The following PLCG2 variants were observed in gnomAD, a reference collection of about 807,000 sequenced individuals.
PLCG2 encodes 1-phosphatidylinositol 4,5-bisphosphate phosphodiesterase gamma-2.
A neutral mutation model predicts 175.6 loss-of-function variants in PLCG2; 69 were observed. That is an observed-to-expected ratio of 0.39 (90% confidence interval 0.32 to 0.48). The LOEUF is 0.48. Ranked by LOEUF, PLCG2 falls within the 20% of genes least tolerant of loss-of-function variation. The pLI, the probability that PLCG2 is intolerant of heterozygous loss-of-function variation, is 0.91. For synonymous variants in PLCG2, 827 were observed against 624.0 expected (o/e 1.33, Z -4.85); for missense variants, 1,798 against 1,650.9 (o/e 1.09, Z -1.54).
intron 19 of PLCG2, among the ~76,000 whole-genome samples, chr16:81,917,163 G>C (rs1274381380): frequency 6.6e-6 from 1 of 151,006 alleles, no homozygotes; most frequent in Non-Finnish European, 1.5e-5. Context: ...TTCTGTGCCT[G>C]GTTTATTTCA....
At chr16:81,862,218 AG>A (rs1907018190) in intron 5 of PLCG2, among the ~76,000 whole-genome samples, 1 of 152,216 alleles carries the variant, frequency 6.6e-6, no homozygotes, top group Non-Finnish European at 1.5e-5. Context: ...TGAAGGCGAG[AG>A]GGGGCAGGCT....
At chr16:81,795,999 A>G (rs1911453636) in intron 2 of PLCG2, among the ~76,000 whole-genome samples, 1 of 152,134 alleles carries the variant, frequency 6.6e-6, no homozygotes, top group Non-Finnish European at 1.5e-5. Context: ...TGTAACCCCT[A>G]ATTTTGGAGG....
chr16:81,894,970 C>T (rs890977684), intron 12 of PLCG2, among the ~76,000 whole-genome samples: 4 of 152,184 alleles, frequency 2.6e-5, no homozygotes, highest in Non-Finnish European at 5.9e-5. Flanking sequence ...ATGGAAGCAA[C>T]GTTTTGTAGC....
At chr16:81,834,780 T>C (rs1028707171) in intron 2 of PLCG2, among the ~76,000 whole-genome samples, 12 of 152,210 alleles carry the variant, frequency 7.9e-5, no homozygotes, top group Non-Finnish European at 1.8e-4. Context: ...CAATCTCCTT[T>C]AACAAAACCT....
chr16:81,929,575 T>A (rs1373186048), intron 24 of PLCG2, among the ~76,000 whole-genome samples: 1 of 152,148 alleles, frequency 6.6e-6, no homozygotes, highest in Non-Finnish European at 1.5e-5. Context: ...TTTGTATTTT[T>A]AGTAGAGCTA....
rs192717534 is a variant in PLCG2, at chr16:81,764,825, C to G, written c.-48+8859C>G. On this transcript the variant is annotated intron_variant, in intron 2 of 5. Transcript: ENST00000565054. ...ATTGATGAGGCTGGGTGTGGTGGTT[C>G]AATCCCGTAATCCCAGTACTTTGGG... 9.3e-3 allele frequency among the ~76,000 whole-genome samples: 1,418 copies of G among 152,240 alleles called. 6 individuals carry two copies. Among genetic ancestry groups the G allele is most frequent in the South Asian group, 0.016 (79 of 4,822 alleles).
chr16:81,799,815 G>T (rs563835077), intron 2 of PLCG2, among the ~76,000 whole-genome samples: 3 of 151,290 alleles, frequency 2.0e-5, no homozygotes, highest in African/African-American at 4.9e-5. Context: ...GGATGGTCTC[G>T]ATCTCCTGAC....
At chr16:81,846,905 C>G (rs187908676) in intron 2 of PLCG2, among the ~76,000 whole-genome samples, 1 of 152,144 alleles carries the variant, frequency 6.6e-6, no homozygotes, top group Admixed American at 6.5e-5. Flanking sequence ...GTTTTCCCCC[C>G]ACGCATCAAG....
At chr16:81,857,926 G>T (rs1035802452) in intron 3 of PLCG2, 6 of 267,626 alleles carry the variant, frequency 2.2e-5, no homozygotes, top group Non-Finnish European at 4.4e-5. Context: ...ACAATGTCTA[G>T]TATATATATG....
In PLCG2 at chr16:81,859,246, T is replaced by C. The variant is rs1054966930; in HGVS notation, c.479+83T>C. 3 of 905,800 alleles carry C rather than the reference T, an allele frequency of 3.3e-6. No homozygotes were observed. In the African/African-American group the frequency reaches 4.9e-5, roughly 15 times the overall value. The allele number at this position is 905,800 out of a possible 1,614,324, so 56.1% of individuals were successfully genotyped here. A position where few individuals can be genotyped will look rare whatever the true frequency, so the allele number is the denominator to read the frequency against. On this transcript the variant is annotated intron_variant, in intron 5 of 32. Coordinates refer to ENST00000564138, the MANE Select transcript of PLCG2 (RefSeq NM_002661.5). ...TAAACCTTCCAAGGGGGTGGGAGCA[T>C]GACTTGTCGGGAGCAAGGTCCTCAC...
intron 31 of PLCG2, among the ~76,000 whole-genome samples, chr16:81,950,602 T>C (rs552483090): frequency 6.6e-6 from 1 of 152,312 alleles, no homozygotes; most frequent in South Asian, 2.1e-4. Flanking sequence ...ACTTCATAAA[T>C]TTGATTGCAT....
chr16:81,810,386 G>A (rs1241049289), intron 2 of PLCG2, among the ~76,000 whole-genome samples: 1 of 152,176 alleles, frequency 6.6e-6, no homozygotes, highest in African/African-American at 2.4e-5. Context: ...TCTATGCTTG[G>A]CCTTCGTTAT....
At chr16:81,782,929 C>G (rs891614704) in intron 1 of PLCG2, among the ~76,000 whole-genome samples, 2 of 152,184 alleles carry the variant, frequency 1.3e-5, no homozygotes, top group Admixed American at 6.5e-5. Context: ...CACCCCTGCT[C>G]CTTTAGGGCA....
In PLCG2 at chr16:81,785,986, G is replaced by A. The variant is rs745994157; in HGVS notation, c.-4G>A. 18 of 1,611,350 alleles carry A rather than the reference G, an allele frequency of 1.1e-5. No homozygotes were observed. The highest frequency in any genetic ancestry group is 1.7e-4 in the Middle Eastern group (1 of 6,052). ...TTCCTTCCTTCTCCCTGGAGCGGCCGACAATGTCCACCACGGTCAATGTAG... is the reference window on the plus strand; with the variant it reads ...TTCCTTCCTTCTCCCTGGAGCGGCCAACAATGTCCACCACGGTCAATGTAG... On this transcript the variant is annotated 5_prime_UTR_variant, in exon 2 of 33. Coordinates refer to ENST00000564138, the MANE Select transcript of PLCG2 (RefSeq NM_002661.5).
At chr16:81,936,572 T>A (rs1256566585) in intron 27 of PLCG2, among the ~76,000 whole-genome samples, 194 bp downstream of exon 27, 1 of 152,236 alleles carries the variant, frequency 6.6e-6, no homozygotes, top group African/African-American at 2.4e-5. Context: ...GACCGAAGGC[T>A]GCTTGGCTTA....
intron 2 of PLCG2, among the ~76,000 whole-genome samples, chr16:81,804,878 C>T (rs946693703): frequency 6.6e-6 from 1 of 152,214 alleles, no homozygotes; most frequent in African/African-American, 2.4e-5. Context: ...CAGTATTGAG[C>T]ATCTGCCATG....
At chr16:81,862,801 G>C (rs1365547201) in intron 5 of PLCG2, among the ~76,000 whole-genome samples, 1 of 152,096 alleles carries the variant, frequency 6.6e-6, no homozygotes, top group Non-Finnish European at 1.5e-5. Flanking sequence ...AGCCCAGGGA[G>C]GTCAAGGCTG....
chr16:81,937,606 C>G (rs1910767604), intron 27 of PLCG2, 152 bp from the exon 28 acceptor site: 2 of 569,766 alleles, frequency 3.5e-6, no homozygotes, highest in Admixed American at 6.6e-5. Flanking sequence ...TCTAGAAACC[C>G]TATATTTTCT....
chr16:81,902,042 A>C (rs1260013295), intron 14 of PLCG2, among the ~76,000 whole-genome samples: 1 of 152,202 alleles, frequency 6.6e-6, no homozygotes, highest in Non-Finnish European at 1.5e-5. Context: ...TCCGAGTTCC[A>C]GCTCAGAGCA....
Sources: gnomAD v4.1 joint callset for allele counts (sites outside exome capture counted in the v4.1 genomes callset) on GRCh38, gnomAD v4.1.1 for gene constraint, MANE v1.5 for transcripts, NCBI Gene and HGNC (gene_info 2026-07-23, HGNC 2026-07-21) for gene names.